IDH2: variants seen among roughly 807,000 people sequenced by gnomAD.
The protein encoded by IDH2 is isocitrate dehydrogenase [NADP], mitochondrial.
In IDH2, 18 loss-of-function variants were observed where a neutral mutation model predicts 50.5. The observed-to-expected ratio is 0.36, with a 90% CI of 0.25 to 0.53. The LOEUF is 0.53. IDH2 is among the 20% of genes least tolerant of loss of function. The pLI is 0.92. For synonymous variants in IDH2, 280 were observed against 239.8 expected (o/e 1.17, Z -1.55); for missense variants, 518 against 610.7 (o/e 0.85, Z 1.60).
chr15:90,084,216 C>G lies in IDH2; in HGVS notation c.*50G>C. 1.3e-6 allele frequency: 2 copies of G among 1,537,572 alleles called. No individual in the cohort carries two copies. Among genetic ancestry groups the G allele is most frequent in the Non-Finnish European group, 1.8e-6 (2 of 1,116,878 alleles). On this transcript the variant is annotated 3_prime_UTR_variant, in exon 11 of 11. Coordinates refer to ENST00000330062, the MANE Select transcript of IDH2 (RefSeq NM_002168.4). The surrounding 1 kb of genome is among the most constrained non-coding windows in gnomAD (Gnocchi z 5.0). ...ACCCTCTGCCGCGCTCAGGAGGACC[C>G]GCCGGCTCAGCCCTGGCCCCTCCAC...
At chr15:90,093,312 T>C (rs1222787744) in intron 1 of IDH2, among the ~76,000 whole-genome samples, 4 of 152,394 alleles carry the variant, frequency 2.6e-5, no homozygotes, top group Admixed American at 1.3e-4. Context: ...TACAGGCCCA[T>C]GCCAAGATAT....
At position 90,090,487 on chromosome 15, in the gene IDH2, C is replaced by T. The variant is rs748728794; in HGVS notation, c.365G>A (p.Arg122His). 4 of 1,613,494 alleles carry T rather than the reference C, an allele frequency of 2.5e-6. No individual in the cohort carries two copies. The highest frequency in any genetic ancestry group is 1.8e-4 in the Middle Eastern group (1 of 5,528). Reference sequence around the variant, plus strand: ...CCTCCACACCCTCGCACCTTCCACACGGGCCTCATCAGGGGTGATGGTGGC... The same window carrying T: ...CCTCCACACCCTCGCACCTTCCACATGGGCCTCATCAGGGGTGATGGTGGC... ...KCATITPDEA[R>H]VEEFKLKKMW... is the part of the protein sequence containing the mutation. The change falls in exon 3 of 11, where the codon CGT becomes CAT. Residue 122 changes from arginine to histidine, a missense_variant. Coordinates refer to ENST00000330062, the MANE Select transcript of IDH2 (RefSeq NM_002168.4).
rs1330065462 is a variant in IDH2, at chr15:90,100,864, T to C, written c.115+1412A>G. Among the ~76,000 whole-genome samples the C allele has an allele frequency of 1.3e-5, 2 of 152,086 alleles. No individual in the cohort carries two copies. The highest frequency in any genetic ancestry group is 2.4e-5 in the African/African-American group (1 of 41,414). ...GAAGGGCCTGCAACTGACTGCTTTT[T>C]CTGTATCCAAATTCAGGACCCTTAA... On this transcript the variant is annotated intron_variant, in intron 1 of 10. Coordinates refer to ENST00000330062, the MANE Select transcript of IDH2 (RefSeq NM_002168.4). This position sits in a 1 kb window ranked among gnomAD's most constrained non-coding sequence, Gnocchi z 4.1.
intron 1 of IDH2, among the ~76,000 whole-genome samples, chr15:90,096,373 A>G (rs1033395911): frequency 1.1e-4 from 16 of 152,244 alleles, no homozygotes; most frequent in African/African-American, 3.9e-4. Flanking sequence ...ACAAATGGCC[A>G]ACAAGCACAT....
At position 90,085,352 on chromosome 15, in the gene IDH2, CCA is replaced by C; in HGVS notation, c.1001_1002del (p.Leu334ArgfsTer4). 6.4e-7 allele frequency: 1 copy of C among 1,556,980 alleles called. No individual in the cohort carries two copies. Among genetic ancestry groups the C allele is most frequent in the South Asian group, 1.2e-5 (1 of 84,526 alleles). Reference protein sequence around the residue: ...FGSLGLMTSVLVCPDGKTIEA... With the variant: ...FGSLGLMTSVXVCPDGKTIEA... Reference sequence around the variant, plus strand: ...TCAATCGTCTTCCCATCAGGGCAGACCAGGACGGACGTCATCAGGCCAAGGGA... The same window carrying C: ...TCAATCGTCTTCCCATCAGGGCAGACGGACGGACGTCATCAGGCCAAGGGA... On this transcript the variant is annotated frameshift_variant, in exon 8 of 11. Transcript: ENST00000330062. LOFTEE classifies it high-confidence loss of function. The surrounding 1 kb of genome is among the most constrained non-coding windows in gnomAD (Gnocchi z 5.5).
At chr15:90,088,335 C>T (rs1418410384) in intron 5 of IDH2, 24 bp downstream of exon 5, 1 of 1,611,818 alleles carries the variant, frequency 6.2e-7, no homozygotes, top group East Asian at 2.2e-5. Flanking sequence ...GAGGAGGGGC[C>T]CAGGATGCCC....
At position 90,098,539 on chromosome 15, in the gene IDH2, T is replaced by TATGCATGCATGCATGC. The variant is rs1567259741; in HGVS notation, c.115+3736_115+3737insGCATGCATGCATGCAT. 6.8e-6 allele frequency among the ~76,000 whole-genome samples: 1 copy of TATGCATGCATGCATGC among 147,024 alleles called. No individual in the cohort carries two copies. The highest frequency in any genetic ancestry group is 1.5e-5 in the Non-Finnish European group (1 of 66,278). On this transcript the variant is annotated intron_variant, in intron 1 of 10. Transcript: ENST00000330062. This position sits in a 1 kb window ranked among gnomAD's most constrained non-coding sequence, Gnocchi z 5.1. ...GTATGTATGTATGCATGCATGTATGTATGTATGTATGTATGTATGTATTGA... is the reference window on the plus strand; with the variant it reads ...GTATGTATGTATGCATGCATGTATGTATGCATGCATGCATGCATGTATGTATGTATGTATGTATTGA...
At position 90,084,362 on chromosome 15, in the gene IDH2, A is replaced by G. The variant is rs1377232084; in HGVS notation, c.1272-9T>C. The G allele has an allele frequency of 1.9e-6, 3 of 1,612,520 alleles. No individual in the cohort carries two copies. Among genetic ancestry groups the G allele is most frequent in the Non-Finnish European group, 2.5e-6 (3 of 1,179,162 alleles). On this transcript the variant is annotated splice_polypyrimidine_tract_variant and intron_variant, in intron 10 of 10. Coordinates refer to ENST00000330062, the MANE Select transcript of IDH2 (RefSeq NM_002168.4). This position sits in a 1 kb window ranked among gnomAD's most constrained non-coding sequence, Gnocchi z 5.0. The stretch of plus-strand genomic sequence containing the variant: ...GCTCGTTCAGCTTCACACTGCAGAG[A>G]GAGCACCACTCACATCAGGGGTGGC...
Position 90,084,934 on chromosome 15 carries a change from C to A in IDH2, c.1179-26G>T, listed in dbSNP as rs372923849. On this transcript the variant is annotated intron_variant, in intron 9 of 10. Transcript: ENST00000330062. The surrounding 1 kb of genome is among the most constrained non-coding windows in gnomAD (Gnocchi z 5.0). ...CTATGGGGATGGGGCAGAATGAGACCCCATCTGTGCAAGGGCAGGACCCAG... is the reference window on the plus strand; with the variant it reads ...CTATGGGGATGGGGCAGAATGAGACACCATCTGTGCAAGGGCAGGACCCAG... 6.2e-7 allele frequency: 1 copy of A among 1,612,812 alleles called. No homozygotes were observed. Among genetic ancestry groups the A allele is most frequent in the Non-Finnish European group, 8.5e-7 (1 of 1,178,970 alleles).
intron 6 of IDH2, 50 bp downstream of exon 6, chr15:90,087,389 G>A (rs753633558): frequency 5.6e-6 from 9 of 1,613,526 alleles, no homozygotes; most frequent in Non-Finnish European, 6.8e-6. Flanking sequence ...GATGGGAACA[G>A]CATGGGGGGA....
chr15:90,091,425 C>T (rs2151551717), intron 2 of IDH2, 128 bp downstream of exon 2: 1 of 755,496 alleles, frequency 1.3e-6, no homozygotes, highest in South Asian at 1.4e-5. Flanking sequence ...GGGAGAGAAA[C>T]AGAGCTGCTG....
chr15:90,102,419 G>T lies in IDH2; in HGVS notation c.-29C>A. ...AAGCTGGAGAGCGAACGAGCAGGGC[G>T]GGAGAGGTCCGAGCGCGCGCCGCTC... On this transcript the variant is annotated 5_prime_UTR_variant, in exon 1 of 11. Transcript: ENST00000330062. 3 of 1,218,464 alleles carry T rather than the reference G, an allele frequency of 2.5e-6. No homozygotes were observed. The highest frequency in any genetic ancestry group is 2.5e-4 in the Middle Eastern group (1 of 3,964). 75.5% of individuals were successfully genotyped at this position (1,218,464 alleles called of 1,614,324 possible).
chr15:90,096,459 C>G (rs1901182764), intron 1 of IDH2, among the ~76,000 whole-genome samples: 3 of 152,078 alleles, frequency 2.0e-5, no homozygotes, highest in Non-Finnish European at 2.9e-5. Context: ...CCACTATCCC[C>G]TCACAACCAC....
rs1900828105 is a variant in IDH2, at chr15:90,085,247, A to G, written c.1080+28T>C. On this transcript the variant is annotated intron_variant, in intron 8 of 10. Transcript: ENST00000330062. This position sits in a 1 kb window ranked among gnomAD's most constrained non-coding sequence, Gnocchi z 5.5. ...CTTTAGGCCCCTGGGGTAGAGGGGC[A>G]TTGTGAGGCCCCATGCCCTGCACTC... 6.5e-7 allele frequency: 1 copy of G among 1,534,438 alleles called. No individual in the cohort carries two copies. Among genetic ancestry groups the G allele is most frequent in the African/African-American group, 1.4e-5 (1 of 72,794 alleles).
At chr15:90,089,811 C>G (rs1900984109) in intron 3 of IDH2, among the ~76,000 whole-genome samples, 1 of 152,244 alleles carries the variant, frequency 6.6e-6, no homozygotes, top group South Asian at 2.1e-4. Flanking sequence ...GCGGCCCCAA[C>G]AGCCAAGGAC....
Position 90,100,591 on chromosome 15 carries a change from C to G in IDH2, c.115+1685G>C. The G allele has an allele frequency of 2.0e-6, 2 of 984,100 alleles. No homozygotes were observed. The highest frequency in any genetic ancestry group is 2.4e-6 in the Non-Finnish European group (2 of 828,692). 61.0% of individuals were successfully genotyped at this position (984,100 alleles called of 1,614,324 possible). On this transcript the variant is annotated intron_variant, in intron 1 of 10. Coordinates refer to ENST00000330062, the MANE Select transcript of IDH2 (RefSeq NM_002168.4). This position sits in a 1 kb window ranked among gnomAD's most constrained non-coding sequence, Gnocchi z 4.1. ...TCTAACTTACCAGAAACATCACCAGCAGTCGCTGGAAGCCTATGGCGTTGC... is the reference window on the plus strand; with the variant it reads ...TCTAACTTACCAGAAACATCACCAGGAGTCGCTGGAAGCCTATGGCGTTGC...
At position 90,090,654 on chromosome 15, in the gene IDH2, G is replaced by A. The variant is rs1320782577; in HGVS notation, c.208-10C>T. 2.5e-5 allele frequency: 41 copies of A among 1,614,018 alleles called. No individual in the cohort carries two copies. The highest frequency in any genetic ancestry group is 3.4e-5 in the Non-Finnish European group (40 of 1,179,980). ...CGTGGGGCAGGATGAGCTGGGGACA[G>A]AGGGCCAGAGCAAGGCGTCACCCCA... On this transcript the variant is annotated splice_polypyrimidine_tract_variant and intron_variant, in intron 2 of 10. Transcript: ENST00000330062.
At chr15:90,088,296 C>A (rs949363372) in intron 5 of IDH2, 63 bp downstream of exon 5, 2 of 1,595,340 alleles carry the variant, frequency 1.3e-6, no homozygotes, top group Non-Finnish European at 1.7e-6. Context: ...AGGAAAGCCA[C>A]GAGACAGAGA....
intron 1 of IDH2, among the ~76,000 whole-genome samples, chr15:90,094,716 G>C (rs928387844): frequency 2.0e-5 from 3 of 152,156 alleles, no homozygotes; most frequent in Admixed American, 2.0e-4. Context: ...GACCAGCCTG[G>C]CCAACATGGT....
Sources: allele counts gnomAD v4.1 joint callset (sites outside exome capture counted in the v4.1 genomes callset), GRCh38; gene constraint gnomAD v4.1.1; non-coding constraint Gnocchi (gnomAD v3.1); transcripts MANE v1.5; gene names NCBI Gene and HGNC (gene_info 2026-07-23, HGNC 2026-07-21).